AHCYL2: variants seen among roughly 807,000 people sequenced by gnomAD.
AHCYL2 encodes adenosylhomocysteinase like 2.
In AHCYL2, 28 loss-of-function variants were observed where a neutral mutation model predicts 81.4. The observed-to-expected ratio is 0.34, with a 90% CI of 0.25 to 0.47. The LOEUF is 0.47. Among genes scored for constraint, AHCYL2 ranks in the 20% least tolerant of loss-of-function variants. The pLI is 1.00. For synonymous variants in AHCYL2, 272 were observed against 290.2 expected (o/e 0.94, Z 0.64); for missense variants, 551 against 785.1 (o/e 0.70, Z 3.56).
At chr7:129,325,050 T>A (rs1466056438) in intron 1 of AHCYL2, among the ~76,000 whole-genome samples, 2 of 152,240 alleles carry the variant, frequency 1.3e-5, no homozygotes, top group African/African-American at 2.4e-5. Context: ...TTATTTATTT[T>A]TTTATAAAAA....
chr7:129,321,652 T>C lies in AHCYL2; in HGVS notation c.364-57986T>C, dbSNP rs79946873. ...ACTATGTCTTTCTATGGTTTTGGTA[T>C]ATGGGTAATGCAAGCCTTGTAGGAT... is the stretch of plus-strand genomic sequence containing the variant. On this transcript the variant is annotated intron_variant, in intron 1 of 16. Transcript: ENST00000325006. Among the ~76,000 whole-genome samples, 518 of 152,222 alleles carry C rather than the reference T, an allele frequency of 3.4e-3. 1 individual carries two copies. The highest frequency in any genetic ancestry group is 0.012 in the African/African-American group (501 of 41,560).
chr7:129,321,666 G>A (rs546028816), intron 1 of AHCYL2, among the ~76,000 whole-genome samples: 13 of 151,186 alleles, frequency 8.6e-5, no homozygotes, highest in Admixed American at 3.3e-4. Flanking sequence ...GGTAATGCAA[G>A]CCTTGTAGGA....
intron 1 of AHCYL2, among the ~76,000 whole-genome samples, chr7:129,231,682 C>T (rs1189570707): frequency 6.6e-6 from 1 of 152,184 alleles, no homozygotes; most frequent in Non-Finnish European, 1.5e-5. Flanking sequence ...TAAACTTGAT[C>T]AGATTTCTAT....
chr7:129,241,410 G>A (rs1185437857), intron 1 of AHCYL2, among the ~76,000 whole-genome samples: 2 of 151,984 alleles, frequency 1.3e-5, no homozygotes, highest in African/African-American at 2.4e-5. Context: ...GGCCAACATG[G>A]TGAAACCTTG....
At chr7:129,321,075 T>C (rs1797997852) in intron 1 of AHCYL2, among the ~76,000 whole-genome samples, 1 of 151,932 alleles carries the variant, frequency 6.6e-6, no homozygotes, top group South Asian at 2.1e-4. Flanking sequence ...TTTAGTACAG[T>C]TTTTTTTGTA....
chr7:129,403,860 C>CAAAAAAAAAAAAAAAAAAAAAA (rs34806455), intron 7 of AHCYL2, among the ~76,000 whole-genome samples: 1 of 80,210 alleles, frequency 1.2e-5, no homozygotes, highest in Non-Finnish European at 2.7e-5. Context: ...GACTCCATCT[C>CAAAAAAAAAAAAAAAAAAAAAA]AAAAAAAAAA....
Position 129,355,951 on chromosome 7 carries a change from AAAT to A in AHCYL2, c.364-23683_364-23681del, listed in dbSNP as rs1349906796. Reference sequence around the variant, plus strand: ...TGGCAGAAAAGTACCAGGTAGAGAGAAATAATCATAGTGGTTATTATCACAAAT... The same window carrying A: ...TGGCAGAAAAGTACCAGGTAGAGAGAAATCATAGTGGTTATTATCACAAAT... On this transcript the variant is annotated intron_variant, in intron 1 of 16. Transcript: ENST00000325006. 1.4e-4 allele frequency among the ~76,000 whole-genome samples: 21 copies of A among 152,290 alleles called. 1 individual carries two copies. The East Asian group carries it at 2.1e-3, about 15-fold the overall frequency.
intron 1 of AHCYL2, among the ~76,000 whole-genome samples, chr7:129,254,891 A>T (rs1795359661): frequency 6.6e-6 from 1 of 152,228 alleles, no homozygotes; most frequent in Non-Finnish European, 1.5e-5. Flanking sequence ...TTTTTTGTGG[A>T]GTGTGAGCAA....
chr7:129,407,142 G>A (rs1354396036), intron 10 of AHCYL2, among the ~76,000 whole-genome samples: 1 of 152,122 alleles, frequency 6.6e-6, no homozygotes, highest in Non-Finnish European at 1.5e-5. Context: ...TTGCGCCCAG[G>A]AGTTCGAGAC....
intron 4 of AHCYL2, among the ~76,000 whole-genome samples, chr7:129,395,673 G>C (rs1378444155): frequency 6.6e-6 from 1 of 152,142 alleles, no homozygotes; most frequent in Admixed American, 6.5e-5. Flanking sequence ...TGGTTCCTAT[G>C]AGAGAAGAGT....
chr7:129,382,762 C>T (rs2150892026), intron 2 of AHCYL2, among the ~76,000 whole-genome samples: 1 of 151,734 alleles, frequency 6.6e-6, no homozygotes, highest in African/African-American at 2.4e-5. Context: ...AAAAATTAGC[C>T]AGGTGTGGTG....
Position 129,291,844 on chromosome 7 carries a change from A to G in AHCYL2, c.363+66405A>G, listed in dbSNP as rs941935695. On this transcript the variant is annotated intron_variant, in intron 1 of 16. Transcript: ENST00000325006. ...ATGGTCTCAATCTCCTGACCTCATG[A>G]TCCGCCCGCCTCAGCCTCCCAAAGT... 2.6e-5 allele frequency among the ~76,000 whole-genome samples: 4 copies of G among 151,372 alleles called. No homozygotes were observed. The Admixed American group carries it at 2.6e-4, about 10-fold the overall frequency.
chr7:129,308,395 T>C (rs1584767889), intron 1 of AHCYL2, among the ~76,000 whole-genome samples: 1 of 152,230 alleles, frequency 6.6e-6, no homozygotes, highest in Non-Finnish European at 1.5e-5. Context: ...ATCACTGAGC[T>C]CTCCCTGCCA....
chr7:129,335,014 A>G (rs1490563127), intron 1 of AHCYL2, among the ~76,000 whole-genome samples: 2 of 152,206 alleles, frequency 1.3e-5, no homozygotes, highest in Non-Finnish European at 2.9e-5. Context: ...CTCTGGTCCT[A>G]AGTTTTTGAC....
At chr7:129,253,354 T>C (rs916364026) in intron 1 of AHCYL2, among the ~76,000 whole-genome samples, 9 of 152,222 alleles carry the variant, frequency 5.9e-5, no homozygotes, top group African/African-American at 1.9e-4. Context: ...TATCGAAGAA[T>C]ACTCTTTTTA....
intron 1 of AHCYL2, among the ~76,000 whole-genome samples, chr7:129,300,543 C>A (rs1312482050): frequency 2.6e-5 from 4 of 152,192 alleles, no homozygotes; most frequent in African/African-American, 9.7e-5. Flanking sequence ...ATCTATTCGT[C>A]TGTTGATGGA....
At chr7:129,319,526 A>G (rs1775551466) in intron 1 of AHCYL2, among the ~76,000 whole-genome samples, 1 of 152,176 alleles carries the variant, frequency 6.6e-6, no homozygotes, top group African/African-American at 2.4e-5. Flanking sequence ...CTACTCAGAG[A>G]TACTATTTTG....
chr7:129,389,159 G>A lies in AHCYL2; in HGVS notation c.579G>A (p.Gln193=). The A allele has an allele frequency of 6.2e-7, 1 of 1,613,946 alleles. No individual in the cohort carries two copies. Among genetic ancestry groups the A allele is most frequent in the Non-Finnish European group, 8.5e-7 (1 of 1,179,926 alleles). Residue 193 remains glutamine (Q), a synonymous_variant, in exon 3 of 17, where the codon CAG becomes CAA. Coordinates refer to ENST00000325006, the MANE Select transcript of AHCYL2 (RefSeq NM_015328.4). ...SSDFCVKNIK[Q]AEFGRREIEI... ...ACTTCTGTGTTAAGAACATCAAACA[G>A]GCAGAGTTTGGACGAAGAGAAATTG... is the stretch of plus-strand genomic sequence containing the variant.
intron 1 of AHCYL2, among the ~76,000 whole-genome samples, chr7:129,363,266 C>G (rs1338315370): frequency 1.3e-5 from 2 of 152,134 alleles, no homozygotes; most frequent in Non-Finnish European, 1.5e-5. Context: ...GGTGTATCTT[C>G]TAAGGCACAT....
Sources: gnomAD v4.1 joint callset for allele counts (sites outside exome capture counted in the v4.1 genomes callset) on GRCh38, gnomAD v4.1.1 for gene constraint, MANE v1.5 for transcripts, NCBI Gene and HGNC (gene_info 2026-07-23, HGNC 2026-07-21) for gene names.